The following GPC5 variants were observed in gnomAD, a reference collection of about 807,000 sequenced individuals.
GPC5 encodes glypican 5.
Under a neutral mutation model 53.9 loss-of-function variants are expected in GPC5, and 47 were observed. The observed-to-expected ratio is 0.87, with a 90% CI of 0.69 to 1.11. The LOEUF is 1.11. Among genes scored for constraint, GPC5 ranks in the 50% most tolerant of loss-of-function variants. The pLI is 0.00. For synonymous variants in GPC5, 286 were observed against 263.3 expected, an observed-to-expected ratio of 1.09 and a Z score of -0.84; for missense variants, 748 against 713.1, an observed-to-expected ratio of 1.05 and a Z score of -0.56.
intron 7 of GPC5, among the ~76,000 whole-genome samples, chr13:92,619,958 C>G (rs1884819008): frequency 6.6e-6 from 1 of 151,864 alleles, no homozygotes; most frequent in African/African-American, 2.4e-5. Flanking sequence ...GTATATAATG[C>G]TAAAATAAAT....
chr13:91,630,090 G>A (rs1212127808), intron 2 of GPC5, among the ~76,000 whole-genome samples: 1 of 152,090 alleles, frequency 6.6e-6, no homozygotes, highest in Non-Finnish European at 1.5e-5. Context: ...ATGACTCCTT[G>A]TAGCTATATT....
At chr13:92,400,256 T>C (rs997653585) in intron 7 of GPC5, among the ~76,000 whole-genome samples, 1 of 152,176 alleles carries the variant, frequency 6.6e-6, no homozygotes, top group Non-Finnish European at 1.5e-5. Context: ...ACAATAAAGA[T>C]ATGCTCCAAA....
At chr13:91,961,565 A>T (rs1367682748) in intron 6 of GPC5, among the ~76,000 whole-genome samples, 1 of 152,132 alleles carries the variant, frequency 6.6e-6, no homozygotes, top group East Asian at 1.9e-4. Flanking sequence ...ATGTGTAACA[A>T]AGGAATGTTT....
intron 2 of GPC5, among the ~76,000 whole-genome samples, chr13:91,628,997 C>G (rs1233417107): frequency 4.6e-5 from 7 of 152,146 alleles, no homozygotes; most frequent in Non-Finnish European, 1.5e-5. Context: ...GAGATAATGA[C>G]ATATCTTTTG....
intron 2 of GPC5, among the ~76,000 whole-genome samples, chr13:91,691,296 A>G (rs562525973): frequency 1.3e-5 from 2 of 152,350 alleles, no homozygotes; most frequent in East Asian, 3.9e-4. Context: ...TGTTAAATAT[A>G]GATTCCTGAA....
chr13:92,010,562 ATTTTT>A (rs1320304646), intron 6 of GPC5, among the ~76,000 whole-genome samples: 1 of 152,172 alleles, frequency 6.6e-6, no homozygotes, highest in African/African-American at 2.4e-5. Context: ...TGGAGACACT[ATTTTT>A]GGGCAATAAT....
At chr13:92,326,323 C>T (rs74110206) in intron 7 of GPC5, among the ~76,000 whole-genome samples, 1 of 151,944 alleles carries the variant, frequency 6.6e-6, no homozygotes, top group South Asian at 2.1e-4. Flanking sequence ...TCTCCTCTCC[C>T]ACTAAAACTT....
intron 7 of GPC5, among the ~76,000 whole-genome samples, chr13:92,670,047 G>C (rs1886694942): frequency 6.6e-6 from 1 of 152,038 alleles, no homozygotes; most frequent in South Asian, 2.1e-4. Context: ...AAATCAATGG[G>C]TTGCTCACTA....
At chr13:92,789,962 T>TGTAA (rs1428645251) in intron 7 of GPC5, among the ~76,000 whole-genome samples, 1 of 151,968 alleles carries the variant, frequency 6.6e-6, no homozygotes, top group African/African-American at 2.4e-5. Flanking sequence ...AAACCACTGG[T>TGTAA]GTAAGTCCAA....
chr13:91,556,009 C>T (rs2030925839), intron 2 of GPC5, among the ~76,000 whole-genome samples: 1 of 151,974 alleles, frequency 6.6e-6, no homozygotes, highest in Non-Finnish European at 1.5e-5. Flanking sequence ...ATTGGAACAC[C>T]AAGGTGTAGA....
chr13:92,215,673 C>T (rs1270122468), intron 7 of GPC5, among the ~76,000 whole-genome samples: 1 of 152,190 alleles, frequency 6.6e-6, no homozygotes, highest in Non-Finnish European at 1.5e-5. Flanking sequence ...CTGAAGCCTT[C>T]ACCTAGGGAT....
At chr13:91,774,839 C>CGCCTTTTTT (rs1474461698) in intron 5 of GPC5, among the ~76,000 whole-genome samples, 1 of 152,138 alleles carries the variant, frequency 6.6e-6, no homozygotes, top group Non-Finnish European at 1.5e-5. Context: ...CAGCCCAGAC[C>CGCCTTTTTT]GCCTTTTTGC....
intron 1 of GPC5, among the ~76,000 whole-genome samples, chr13:91,424,464 A>G (rs550269122): frequency 1.6e-4 from 24 of 150,000 alleles, no homozygotes; most frequent in African/African-American, 5.7e-4. Flanking sequence ...TCCCAGGTTC[A>G]AGCAATTCTC....
intron 2 of GPC5, among the ~76,000 whole-genome samples, chr13:91,659,529 ATATT>A (rs1341622812): frequency 2.0e-5 from 3 of 152,188 alleles, no homozygotes; most frequent in African/African-American, 7.2e-5. Context: ...ATATTCAAGG[ATATT>A]TATTATGCTC....
chr13:92,203,890 C>T (rs535265134), intron 7 of GPC5, among the ~76,000 whole-genome samples: 1 of 150,542 alleles, frequency 6.6e-6, no homozygotes, highest in East Asian at 1.9e-4. Flanking sequence ...TAGAAGCAGG[C>T]CAGAAATAAA....
At chr13:91,717,202 T>C (rs2036357179) in intron 3 of GPC5, among the ~76,000 whole-genome samples, 1 of 152,258 alleles carries the variant, frequency 6.6e-6, no homozygotes, top group Non-Finnish European at 1.5e-5. Context: ...CTCCGGAGAC[T>C]GTAACACAAT....
chr13:91,992,765 T>G (rs977326604), intron 6 of GPC5, among the ~76,000 whole-genome samples: 2 of 152,172 alleles, frequency 1.3e-5, no homozygotes, highest in Non-Finnish European at 2.9e-5. Context: ...TAAAGCTATT[T>G]ACTTTTTAGG....
At chr13:91,439,513 C>T (rs1880262593) in intron 1 of GPC5, among the ~76,000 whole-genome samples, 1 of 152,212 alleles carries the variant, frequency 6.6e-6, no homozygotes, top group South Asian at 2.1e-4. Context: ...TCCTGAGCTC[C>T]AAACTTGCAT....
At chr13:92,300,502 C>G (rs1235633927) in intron 7 of GPC5, among the ~76,000 whole-genome samples, 1 of 152,156 alleles carries the variant, frequency 6.6e-6, no homozygotes, top group African/African-American at 2.4e-5. Context: ...ACTATGCTAA[C>G]CTAACACATG....
Sources: gnomAD v4.1 joint callset for allele counts (sites outside exome capture counted in the v4.1 genomes callset) on GRCh38, gnomAD v4.1.1 for gene constraint, MANE v1.5 for transcripts, NCBI Gene and HGNC (gene_info 2026-07-23, HGNC 2026-07-21) for gene names.